Variants in NRG3 observed in about 807,000 individuals in gnomAD.
NRG3 encodes the protein neuregulin 3.
A neutral mutation model predicts 66.9 loss-of-function variants in NRG3; 31 were observed. The ratio of observed to expected loss-of-function variants is 0.46; its 90% CI spans 0.35 to 0.63. The LOEUF (loss-of-function observed/expected upper bound fraction) is 0.63, where lower values mean the gene tolerates loss of function less well. Ranked by LOEUF, NRG3 falls within the 20% of genes least tolerant of loss-of-function variation. NRG3 has a pLI of 0.00. For missense variants in NRG3, 910 were observed against 878.9 expected (o/e 1.04, Z -0.45); for synonymous variants, 393 against 359.4 (o/e 1.09, Z -1.06).
At chr10:82,333,465 A>G (rs1439376289) in intron 1 of NRG3, among the ~76,000 whole-genome samples, 1 of 152,222 alleles carries the variant, frequency 6.6e-6, no homozygotes. Flanking sequence ...TTACTGCTAC[A>G]TGGAGGCATT....
intron 2 of NRG3, among the ~76,000 whole-genome samples, chr10:82,543,425 A>C (rs2064600201): frequency 6.6e-6 from 1 of 152,236 alleles, no homozygotes; most frequent in Non-Finnish European, 1.5e-5. Flanking sequence ...AGATGAAAAA[A>C]TAAGTATTGC....
rs149886119 is a variant in NRG3 at position 82,503,486 on chromosome 10, A to G, written c.953+144618A>G. Among the ~76,000 whole-genome samples, 29 of 152,314 alleles carry G rather than the reference A, an allele frequency of 1.9e-4. 1 individual carries two copies. The East Asian group carries it at 1.9e-3, about 10-fold the overall frequency. On this transcript the variant is annotated intron_variant, in intron 2 of 8. Coordinates refer to ENST00000372141, the MANE Select transcript of NRG3 (RefSeq NM_001010848.4). ...TATCTGAAGTCAGTTTCTGTCTGCT[A>G]TGGACTGACTTGAGGATTGACTACT...
At chr10:82,709,384 T>C (rs1006276648) in intron 2 of NRG3, among the ~76,000 whole-genome samples, 1 of 151,774 alleles carries the variant, frequency 6.6e-6, no homozygotes, top group Admixed American at 6.6e-5. Flanking sequence ...TTTTTGTTTG[T>C]TTGTTTGTTT....
At chr10:82,306,562 G>A (rs1380565251) in intron 1 of NRG3, among the ~76,000 whole-genome samples, 1 of 151,854 alleles carries the variant, frequency 6.6e-6, no homozygotes, top group Non-Finnish European at 1.5e-5. Flanking sequence ...AAATTAGCCA[G>A]GCGTGGTGGT....
At chr10:82,279,594 A>G (rs779082871) in intron 1 of NRG3, among the ~76,000 whole-genome samples, 1 of 152,200 alleles carries the variant, frequency 6.6e-6, no homozygotes, top group Non-Finnish European at 1.5e-5. Flanking sequence ...GTTGTTTTGC[A>G]TTAATGCACT....
intron 3 of NRG3, among the ~76,000 whole-genome samples, chr10:82,810,858 A>C (rs1182616862): frequency 6.6e-6 from 1 of 152,130 alleles, no homozygotes; most frequent in East Asian, 1.9e-4. Context: ...TTAATACTTA[A>C]AAGCCACTAA....
At chr10:81,995,724 G>T (rs1030355771) in intron 1 of NRG3, among the ~76,000 whole-genome samples, 2 of 152,168 alleles carry the variant, frequency 1.3e-5, no homozygotes, top group Admixed American at 6.5e-5. Flanking sequence ...GAATGTTGGG[G>T]TGAATGATAG....
At chr10:82,291,950 C>T (rs2079772270) in intron 1 of NRG3, among the ~76,000 whole-genome samples, 1 of 151,978 alleles carries the variant, frequency 6.6e-6, no homozygotes, top group Admixed American at 6.6e-5. Context: ...AGACTCAATA[C>T]ATAAAGGGAA....
At chr10:82,702,274 T>A (rs1409698705) in intron 2 of NRG3, among the ~76,000 whole-genome samples, 1 of 152,124 alleles carries the variant, frequency 6.6e-6, no homozygotes, top group African/African-American at 2.4e-5. Context: ...AGATAATAAA[T>A]TGACCGAAAA....
At chr10:82,664,115 C>T (rs1451878992) in intron 2 of NRG3, among the ~76,000 whole-genome samples, 2 of 152,112 alleles carry the variant, frequency 1.3e-5, no homozygotes, top group African/African-American at 2.4e-5. Flanking sequence ...ACACCTTTAC[C>T]CCCATGCTTC....
intron 1 of NRG3, among the ~76,000 whole-genome samples, chr10:82,120,395 T>C (rs1400328383): frequency 6.6e-6 from 1 of 152,162 alleles, no homozygotes; most frequent in East Asian, 1.9e-4. Context: ...ATATTTAACC[T>C]ATATTTTACA....
intron 2 of NRG3, among the ~76,000 whole-genome samples, chr10:82,527,329 G>C (rs1437891632): frequency 6.7e-6 from 1 of 150,198 alleles, no homozygotes; most frequent in Admixed American, 6.6e-5. Context: ...AAAAATATTA[G>C]TAAATATAAT....
intron 2 of NRG3, among the ~76,000 whole-genome samples, chr10:82,536,244 A>G (rs892682812): frequency 6.6e-6 from 1 of 152,218 alleles, no homozygotes; most frequent in Admixed American, 6.5e-5. Flanking sequence ...TGATGGATTC[A>G]AGAAGACAAA....
intron 2 of NRG3, among the ~76,000 whole-genome samples, chr10:82,618,603 G>A (rs1270841659): frequency 1.3e-5 from 2 of 151,834 alleles, no homozygotes; most frequent in Admixed American, 6.6e-5. Flanking sequence ...ATCACCAAAC[G>A]TTGCAGAAAA....
intron 2 of NRG3, among the ~76,000 whole-genome samples, chr10:82,662,622 T>C (rs1201857544): frequency 6.6e-6 from 1 of 152,132 alleles, no homozygotes; most frequent in Non-Finnish European, 1.5e-5. Context: ...GGAATGGATA[T>C]GTGCCAAGTG....
chr10:82,691,433 C>T (rs572467407), intron 2 of NRG3, among the ~76,000 whole-genome samples: 2 of 152,278 alleles, frequency 1.3e-5, no homozygotes, highest in South Asian at 2.1e-4. Flanking sequence ...CTGCCACCCC[C>T]GCACACACTG....
At chr10:82,225,697 A>T (rs2076134818) in intron 1 of NRG3, among the ~76,000 whole-genome samples, 1 of 152,208 alleles carries the variant, frequency 6.6e-6, no homozygotes, top group African/African-American at 2.4e-5. Context: ...GTAATTAACT[A>T]TGTGCAAGGC....
At chr10:81,876,241 G>T (rs1841631529) in intron 1 of NRG3, 78 bp downstream of exon 1, 3 of 1,485,226 alleles carry the variant, frequency 2.0e-6, no homozygotes, top group Admixed American at 4.3e-5. Flanking sequence ...TTCCCTCGCC[G>T]CCTGTTTTCT....
At chr10:82,640,096 A>T (rs1856602) in intron 2 of NRG3, among the ~76,000 whole-genome samples, 108,176 of 152,098 alleles carry the variant, frequency 0.71, 38,639 homozygotes, top group Middle Eastern at 0.83. Context: ...GCAGAGGACA[A>T]GATTGTATTC....
Sources: gnomAD v4.1 joint callset for allele counts (sites outside exome capture counted in the v4.1 genomes callset) on GRCh38, gnomAD v4.1.1 for gene constraint, MANE v1.5 for transcripts, NCBI Gene and HGNC (gene_info 2026-07-23, HGNC 2026-07-21) for gene names.